Variants in NCKAP5 observed in about 807,000 individuals in gnomAD.
NCKAP5 encodes NCK associated protein 5, also known as nck-associated protein 5.
NCKAP5 carries 92 observed loss-of-function variants against 167.0 expected under a neutral mutation model. That is an observed-to-expected ratio of 0.55 (90% confidence interval 0.47 to 0.66). NCKAP5 has a LOEUF of 0.66. Among genes scored for constraint, NCKAP5 ranks in the 30% least tolerant of loss-of-function variants. The probability of loss-of-function intolerance (pLI) is 0.00; values close to 1 mark genes in which losing one functional copy is unlikely to be tolerated. For synonymous variants in NCKAP5, 891 were observed against 877.4 expected, an observed-to-expected ratio of 1.02 and a Z score of -0.27; for missense variants, 2,378 against 2,315.0, an observed-to-expected ratio of 1.03 and a Z score of -0.56.
intron 8 of NCKAP5, among the ~76,000 whole-genome samples, chr2:132,897,100 T>C (rs1319347947): frequency 6.6e-6 from 1 of 152,250 alleles, no homozygotes; most frequent in Non-Finnish European, 1.5e-5. Context: ...ATTTTAACTG[T>C]CTTCATAGTA....
Position 133,082,418 on chromosome 2 carries a change from A to C in NCKAP5, c.341+47560T>G, listed in dbSNP as rs568615515. Among the ~76,000 whole-genome samples the C allele has an allele frequency of 2.0e-5, 3 of 152,290 alleles. 1 individual carries two copies. In the South Asian group the frequency reaches 6.2e-4, roughly 32 times the overall value. ...ATGGAAGAGGTCTAAGAATCATAAC[A>C]TACTGAGTGTGTCAGAGGAAGTCAC... On this transcript the variant is annotated intron_variant, in intron 6 of 19. Coordinates refer to ENST00000409261, the MANE Select transcript of NCKAP5 (RefSeq NM_207363.3).
chr2:132,765,406 C>T (rs564755182), intron 16 of NCKAP5, among the ~76,000 whole-genome samples: 15 of 151,004 alleles, frequency 9.9e-5, no homozygotes, highest in South Asian at 4.2e-4. Flanking sequence ...TCTCTGCCTC[C>T]GGGGTTGAAG....
intron 6 of NCKAP5, among the ~76,000 whole-genome samples, chr2:133,127,117 T>C (rs35385294): frequency 0.12 from 17,597 of 152,202 alleles, 1,263 homozygotes; most frequent in East Asian, 0.38. Flanking sequence ...ATTTATATTA[T>C]GGAAATTATT....
At chr2:133,635,792 C>T in the NCKAP5 span, among the ~76,000 whole-genome samples, 1 of 152,018 alleles carries the variant, frequency 6.6e-6, no homozygotes, top group African/African-American at 2.4e-5. Flanking sequence ...ACAAAAATAG[C>T]TACTATAGAA....
At chr2:132,963,977 G>T (rs144499730) in intron 7 of NCKAP5, 108 bp from the exon 8 acceptor site, 26 of 1,264,370 alleles carry the variant, frequency 2.1e-5, no homozygotes, top group Non-Finnish European at 2.8e-5. Flanking sequence ...TTCTTCCGGG[G>T]CTGGGAGTTT....
chr2:132,863,437 C>CCCA (rs1690093363), intron 10 of NCKAP5, among the ~76,000 whole-genome samples: 1 of 126,474 alleles, frequency 7.9e-6, no homozygotes, highest in Non-Finnish European at 1.6e-5. Flanking sequence ...TGAAAGAGTT[C>CCCA]TTCAGATGGG....
intron 4 of NCKAP5, among the ~76,000 whole-genome samples, chr2:133,220,638 T>C (rs991134297): frequency 6.6e-6 from 1 of 152,204 alleles, no homozygotes; most frequent in Admixed American, 6.5e-5. Context: ...CAACAGGATG[T>C]TGGCATTCGT....
At chr2:132,846,249 G>C (rs1688653343) in intron 11 of NCKAP5, among the ~76,000 whole-genome samples, 1 of 152,114 alleles carries the variant, frequency 6.6e-6, no homozygotes, top group African/African-American at 2.4e-5. Flanking sequence ...AATGAATTTA[G>C]AGGTAAAGTT....
chr2:133,092,201 C>A (rs921422772), intron 6 of NCKAP5, among the ~76,000 whole-genome samples: 5 of 152,122 alleles, frequency 3.3e-5, no homozygotes, highest in African/African-American at 1.2e-4. Context: ...TCATATCGGA[C>A]CTGAAATCCA....
In NCKAP5 at chr2:132,784,425, G is replaced by T. The variant is rs767551538; in HGVS notation, c.2386C>A (p.Gln796Lys). ...GGTATTTTTGTCAGATTTTGCTTTT[G>T]ATAGATGCCCATGGGTGCCGAAGAC... The part of the protein sequence containing the change: ...SRSSAPMGIY[Q>K]KQNLTKIPPR... The change falls in exon 14 of 20, where the codon CAA becomes AAA. Residue 796 changes from glutamine to lysine, a missense_variant. By Grantham distance (53) the Gln-to-Lys change is moderately conservative (BLOSUM62 1). This residue lies in a region of NCKAP5 where 1,049 missense variants were observed against 1,023.4 expected (regional missense o/e 1.02). Transcript: ENST00000409261. 5.0e-6 allele frequency: 8 copies of T among 1,612,690 alleles called. No individual in the cohort carries two copies. The highest frequency in any genetic ancestry group is 1.7e-4 in the Middle Eastern group (1 of 6,050).
chr2:132,682,575 C>T (rs1685370733), intron 19 of NCKAP5, among the ~76,000 whole-genome samples: 1 of 152,074 alleles, frequency 6.6e-6, no homozygotes, highest in South Asian at 2.1e-4. Context: ...GAAAGTGAGT[C>T]CCTGAAAATT....
chr2:133,391,897 C>A (rs1287287550), intron 3 of NCKAP5, among the ~76,000 whole-genome samples: 2 of 152,158 alleles, frequency 1.3e-5, no homozygotes, highest in African/African-American at 4.8e-5. Context: ...ATTCTCCAGC[C>A]CCCGCTAGAA....
chr2:132,752,090 T>G (rs1190781290), intron 16 of NCKAP5, among the ~76,000 whole-genome samples: 1 of 152,188 alleles, frequency 6.6e-6, no homozygotes, highest in Non-Finnish European at 1.5e-5. Flanking sequence ...CAGGAGCATC[T>G]GATGCATCCC....
Position 133,235,713 on chromosome 2 carries a change from T to C in NCKAP5, c.144-21934A>G, listed in dbSNP as rs185952399. ...TGAGGTTAGGAGTTCGAGACCAGCCTGACCAACATGGAGGAACCCCATCAG... is the reference window on the plus strand; with the variant it reads ...TGAGGTTAGGAGTTCGAGACCAGCCCGACCAACATGGAGGAACCCCATCAG... On this transcript the variant is annotated intron_variant, in intron 4 of 19. Coordinates refer to ENST00000409261, the MANE Select transcript of NCKAP5 (RefSeq NM_207363.3). 1.9e-4 allele frequency among the ~76,000 whole-genome samples: 29 copies of C among 152,108 alleles called. 1 individual carries two copies. The highest frequency in any genetic ancestry group is 5.9e-4 in the Admixed American group (9 of 15,288).
chr2:132,802,044 C>T (rs910907603), intron 11 of NCKAP5, among the ~76,000 whole-genome samples: 1 of 152,204 alleles, frequency 6.6e-6, no homozygotes, highest in Non-Finnish European at 1.5e-5. Flanking sequence ...TCCCGAAGTG[C>T]TAGGATTACA....
intron 8 of NCKAP5, among the ~76,000 whole-genome samples, chr2:132,903,902 G>A (rs759396590): frequency 5.9e-5 from 9 of 151,760 alleles, no homozygotes; most frequent in Non-Finnish European, 1.2e-4. Flanking sequence ...CTTTTCAGGG[G>A]TATAAAATAT....
At chr2:132,827,900 G>A (rs2105350985) in intron 11 of NCKAP5, among the ~76,000 whole-genome samples, 1 of 152,212 alleles carries the variant, frequency 6.6e-6, no homozygotes, top group East Asian at 1.9e-4. Flanking sequence ...CCCTTACAAG[G>A]CCAATGGTTG....
intron 16 of NCKAP5, among the ~76,000 whole-genome samples, chr2:132,773,249 T>C (rs1682246351): frequency 6.6e-6 from 1 of 152,188 alleles, no homozygotes; most frequent in Admixed American, 6.5e-5. Context: ...CAAGCTGCTG[T>C]AAAGAGGTCA....
the NCKAP5 span, among the ~76,000 whole-genome samples, chr2:133,624,318 T>G: frequency 6.6e-6 from 1 of 152,202 alleles, no homozygotes; most frequent in Non-Finnish European, 1.5e-5. Context: ...AATCTTCTGT[T>G]GCAGCCCTCT....
Sources: gnomAD v4.1 joint callset for allele counts (sites outside exome capture counted in the v4.1 genomes callset) on GRCh38, gnomAD v4.1.1 for gene constraint, gnomAD v4.1.1 regional missense constraint, MANE v1.5 for transcripts, NCBI Gene and HGNC (gene_info 2026-07-23, HGNC 2026-07-21) for gene names.